RELN: variants seen among roughly 807,000 people sequenced by gnomAD.
The protein encoded by RELN is reelin.
RELN carries 108 observed loss-of-function variants against 427.6 expected under a neutral mutation model. That is an observed-to-expected ratio of 0.25 (90% CI 0.22 to 0.30). RELN has a LOEUF of 0.30. Among genes scored for constraint, RELN ranks in the 10% least tolerant of loss-of-function variants. The probability of loss-of-function intolerance (pLI) is 1.00; values close to 1 mark genes in which losing one functional copy is unlikely to be tolerated. For missense variants in RELN, 3,715 were observed against 4,302.8 expected, an observed-to-expected ratio of 0.86 and a Z score of 3.82; for synonymous variants, 1,524 against 1,513.4, an observed-to-expected ratio of 1.01 and a Z score of -0.16.
intron 2 of RELN, among the ~76,000 whole-genome samples, chr7:103,878,362 T>C (rs913798925): frequency 1.1e-4 from 16 of 152,222 alleles, no homozygotes; most frequent in African/African-American, 3.9e-4. Flanking sequence ...CTTTGATGTC[T>C]ACTTTGATAA....
At chr7:103,676,482 C>T (rs546811363) in intron 11 of RELN, among the ~76,000 whole-genome samples, 1 of 152,286 alleles carries the variant, frequency 6.6e-6, no homozygotes, top group African/African-American at 2.4e-5. Flanking sequence ...GACAATGTGG[C>T]AATTCCTCAA....
intron 36 of RELN, among the ~76,000 whole-genome samples, chr7:103,559,494 C>T (rs902336566): frequency 1.3e-5 from 2 of 152,162 alleles, no homozygotes; most frequent in Non-Finnish European, 1.5e-5. Flanking sequence ...TCCATGATAC[C>T]TAACCCATGC....
At chr7:103,975,631 C>T (rs561699608) in intron 1 of RELN, among the ~76,000 whole-genome samples, 5 of 151,488 alleles carry the variant, frequency 3.3e-5, no homozygotes, top group Non-Finnish European at 7.4e-5. Flanking sequence ...CTGCAAGCTC[C>T]GCCTCCCGGG....
intron 3 of RELN, among the ~76,000 whole-genome samples, chr7:103,804,306 A>G (rs1792543356): frequency 6.6e-6 from 1 of 152,150 alleles, no homozygotes; most frequent in Non-Finnish European, 1.5e-5. Flanking sequence ...AATATTAATG[A>G]GGATAAATCC....
chr7:103,599,484 T>C (rs1280730816), intron 24 of RELN, among the ~76,000 whole-genome samples: 1 of 152,194 alleles, frequency 6.6e-6, no homozygotes, highest in Non-Finnish European at 1.5e-5. Context: ...AAATGTCTAG[T>C]GCATGACATG....
intron 20 of RELN, among the ~76,000 whole-genome samples, chr7:103,613,713 A>T (rs1438753481): frequency 6.6e-6 from 1 of 152,242 alleles, no homozygotes; most frequent in African/African-American, 2.4e-5. Context: ...CTTTAAAGAT[A>T]CACCAGTCTC....
At chr7:103,530,408 C>T (rs1245813530) in intron 46 of RELN, among the ~76,000 whole-genome samples, 1 of 152,120 alleles carries the variant, frequency 6.6e-6, no homozygotes, top group African/African-American at 2.4e-5. Context: ...CAGCTGTAGC[C>T]CAGACTTGTT....
chr7:103,736,587 C>T (rs1464485555), intron 6 of RELN, among the ~76,000 whole-genome samples: 1 of 152,168 alleles, frequency 6.6e-6, no homozygotes, highest in Non-Finnish European at 1.5e-5. Flanking sequence ...ATCTCGTCTT[C>T]ATTAACAGGT....
At chr7:103,629,126 A>G (rs898895266) in intron 20 of RELN, among the ~76,000 whole-genome samples, 7 of 152,112 alleles carry the variant, frequency 4.6e-5, no homozygotes, top group Non-Finnish European at 7.4e-5. Flanking sequence ...CAATCAGTAG[A>G]ATGTGTTATA....
At chr7:103,919,047 G>A (rs1436104447) in intron 1 of RELN, among the ~76,000 whole-genome samples, 3 of 151,450 alleles carry the variant, frequency 2.0e-5, no homozygotes, top group African/African-American at 7.3e-5. Context: ...TTGGAAAAAC[G>A]CTACTCTTTT....
rs1453388840 is a variant in RELN, at chr7:103,988,698, C to G, written c.226+433G>C. Among the ~76,000 whole-genome samples, 1 of 152,192 alleles carries G rather than the reference C, an allele frequency of 6.6e-6. No homozygotes were observed. The highest frequency in any genetic ancestry group is 1.9e-4 in the East Asian group (1 of 5,186). ...CGCTTCAATCTGTCACCAGCCTGCC[C>G]GCAAAGCCCAGCGACAGCCCCCAAC... On this transcript the variant is annotated intron_variant, in intron 1 of 64. Coordinates refer to ENST00000428762, the MANE Select transcript of RELN (RefSeq NM_005045.4). This position sits in a 1 kb window ranked among gnomAD's most constrained non-coding sequence, Gnocchi z 4.9.
chr7:103,815,910 C>T lies in RELN; in HGVS notation c.473+17627G>A, dbSNP rs560397493. On this transcript the variant is annotated intron_variant, in intron 3 of 64. Coordinates refer to ENST00000428762, the MANE Select transcript of RELN (RefSeq NM_005045.4). ...TTTTTGATACTTAAATTCCTGATTA[C>T]ATCTTTCATTAAAAACACTTATTTT... Among the ~76,000 whole-genome samples the T allele has an allele frequency of 5.9e-5, 9 of 152,288 alleles. No individual in the cohort carries two copies. In the South Asian group the frequency reaches 1.4e-3, roughly 25 times the overall value.
intron 2 of RELN, among the ~76,000 whole-genome samples, chr7:103,843,145 G>T (rs1453273937): frequency 6.6e-6 from 1 of 152,060 alleles, no homozygotes; most frequent in African/African-American, 2.4e-5. Flanking sequence ...GGCACACAGT[G>T]TTGTACATGT....
intron 7 of RELN, among the ~76,000 whole-genome samples, chr7:103,723,657 C>T (rs1790132980): frequency 6.6e-6 from 1 of 152,086 alleles, no homozygotes; most frequent in Admixed American, 6.6e-5. Context: ...GGAAATAGAA[C>T]TACAATAGCT....
intron 3 of RELN, among the ~76,000 whole-genome samples, chr7:103,797,984 A>G (rs904726742): frequency 6.6e-6 from 1 of 152,184 alleles, no homozygotes; most frequent in African/African-American, 2.4e-5. Flanking sequence ...GGATTAAAAT[A>G]TTTTTGTGTG....
chr7:103,796,896 AAAG>A (rs1563018928), intron 3 of RELN, among the ~76,000 whole-genome samples: 3 of 76,640 alleles, frequency 3.9e-5, no homozygotes, highest in Non-Finnish European at 7.3e-5. Context: ...AAAAAAAAAG[AAAG>A]AAAGAAAAAG....
chr7:103,872,997 C>G (rs1206082546), intron 2 of RELN, among the ~76,000 whole-genome samples: 1 of 151,738 alleles, frequency 6.6e-6, no homozygotes, highest in East Asian at 2.0e-4. Context: ...AGAAAATTAA[C>G]AAACTATCTC....
At chr7:103,829,965 C>A (rs1291397230) in intron 3 of RELN, among the ~76,000 whole-genome samples, 3 of 150,782 alleles carry the variant, frequency 2.0e-5, no homozygotes, top group Admixed American at 6.6e-5. Context: ...AATTCAATTG[C>A]CAGCTTTAGA....
chr7:103,535,750 T>C (rs1830035624), intron 45 of RELN, among the ~76,000 whole-genome samples: 1 of 152,188 alleles, frequency 6.6e-6, no homozygotes, highest in Non-Finnish European at 1.5e-5. Flanking sequence ...GTGAATCACA[T>C]CTTATAATGA....
Sources: gnomAD v4.1 joint callset for allele counts (sites outside exome capture counted in the v4.1 genomes callset) on GRCh38, gnomAD v4.1.1 for gene constraint, Gnocchi (gnomAD v3.1) non-coding constraint, MANE v1.5 for transcripts, NCBI Gene and HGNC (gene_info 2026-07-23, HGNC 2026-07-21) for gene names.